The following ANO10 variants were observed in gnomAD, a reference collection of about 807,000 sequenced individuals.
The protein encoded by ANO10 is anoctamin 10, also known as anoctamin-10.
ANO10 carries 77 observed loss-of-function variants against 74.7 expected under a neutral mutation model. The ratio of observed to expected loss-of-function variants is 1.03; its 90% confidence interval spans 0.86 to 1.25. The LOEUF (loss-of-function observed/expected upper bound fraction) is 1.25. Ranked by LOEUF, ANO10 falls within the 50% of genes most tolerant of loss-of-function variation. The pLI is 0.00. For synonymous variants in ANO10, 279 were observed against 284.9 expected (o/e 0.98, Z 0.21); for missense variants, 721 against 778.1 (o/e 0.93, Z 0.87).
chr3:43,562,116 A>C (rs2080066585), intron 8 of ANO10, among the ~76,000 whole-genome samples: 1 of 152,106 alleles, frequency 6.6e-6, no homozygotes, highest in Non-Finnish European at 1.5e-5. Flanking sequence ...CATGCCTGTA[A>C]TCCCAGTACT....
chr3:43,475,208 G>A (rs1004644748), intron 11 of ANO10, among the ~76,000 whole-genome samples: 3 of 152,018 alleles, frequency 2.0e-5, no homozygotes, highest in Admixed American at 2.0e-4. Context: ...TTATAAGGAT[G>A]GGTCAACATT....
At chr3:43,582,321 G>A (rs938196710) in intron 4 of ANO10, among the ~76,000 whole-genome samples, 9 of 151,998 alleles carry the variant, frequency 5.9e-5, no homozygotes, top group Non-Finnish European at 1.0e-4. Flanking sequence ...GCGTGGTGGC[G>A]GGCGCCTGTA....
rs188684765 is a variant in ANO10 at position 43,678,150 on chromosome 3, T to G, written c.-12+13367A>C. 1.9e-3 allele frequency among the ~76,000 whole-genome samples: 297 copies of G among 152,354 alleles called. 1 individual carries two copies. Among genetic ancestry groups the G allele is most frequent in the Admixed American group, 3.6e-3 (55 of 15,306 alleles). On this transcript the variant is annotated intron_variant, in intron 1 of 3. Coordinates refer to the ANO10 transcript ENST00000413397. ...CCTGAGCACTCTTACATTAGCCTAC[T>G]GTTATGCAAAACCATCTAATACAAG...
chr3:43,525,972 A>T (rs1398654228), intron 11 of ANO10, among the ~76,000 whole-genome samples: 1 of 152,206 alleles, frequency 6.6e-6, no homozygotes, highest in Admixed American at 6.5e-5. Flanking sequence ...TTGTTTTGCA[A>T]CAGAGTCATT....
intron 12 of ANO10, among the ~76,000 whole-genome samples, chr3:43,403,178 C>T (rs1046891495): frequency 6.6e-6 from 1 of 152,238 alleles, no homozygotes; most frequent in African/African-American, 2.4e-5. Context: ...ACACAGGATA[C>T]AGCCACAGTT....
intron 4 of ANO10, among the ~76,000 whole-genome samples, chr3:43,588,608 G>A (rs964018606): frequency 6.7e-5 from 10 of 148,414 alleles, no homozygotes; most frequent in African/African-American, 7.4e-5. Flanking sequence ...AGCAAAATCC[G>A]ACTATATCCT....
At chr3:43,482,993 C>T (rs577941244) in intron 11 of ANO10, among the ~76,000 whole-genome samples, 34 of 152,186 alleles carry the variant, frequency 2.2e-4, no homozygotes, top group Non-Finnish European at 3.7e-4. Flanking sequence ...GGCCATGGAT[C>T]GTAAAGAAAG....
chr3:43,405,528 C>T (rs1409252294), intron 12 of ANO10, among the ~76,000 whole-genome samples: 1 of 152,212 alleles, frequency 6.6e-6, no homozygotes, highest in African/African-American at 2.4e-5. Flanking sequence ...CTCCATCACC[C>T]AGGCTGGAGT....
intron 11 of ANO10, among the ~76,000 whole-genome samples, chr3:43,495,844 T>G (rs547415016): frequency 3.9e-5 from 6 of 151,954 alleles, no homozygotes; most frequent in Middle Eastern, 3.4e-3. Flanking sequence ...GGACTACAGG[T>G]GCCTGCCACC....
At chr3:43,561,121 G>T in intron 9 of ANO10, 99 bp downstream of exon 9, 1 of 1,370,716 alleles carries the variant, frequency 7.3e-7, no homozygotes, top group Non-Finnish European at 1.0e-6. Flanking sequence ...TTCTAGAATA[G>T]TCACATCTGA....
At chr3:43,580,094 G>A (rs1426177258) in intron 5 of ANO10, among the ~76,000 whole-genome samples, 1 of 148,566 alleles carries the variant, frequency 6.7e-6, no homozygotes, top group Non-Finnish European at 1.5e-5. Context: ...GCAGTAAGCT[G>A]TGATCATCCC....
intron 11 of ANO10, among the ~76,000 whole-genome samples, chr3:43,538,140 A>C (rs938325718): frequency 3.9e-5 from 6 of 152,248 alleles, no homozygotes; most frequent in Non-Finnish European, 8.8e-5. Context: ...TTTGATATAA[A>C]ATTTCAGTAT....
At chr3:43,474,004 T>C (rs931029474) in intron 11 of ANO10, among the ~76,000 whole-genome samples, 3 of 152,286 alleles carry the variant, frequency 2.0e-5, no homozygotes, top group Middle Eastern at 3.4e-3. Flanking sequence ...AGCCAGCATG[T>C]GTATACAGTT....
chr3:43,484,442 A>G (rs369919230), intron 11 of ANO10, among the ~76,000 whole-genome samples: 1 of 152,198 alleles, frequency 6.6e-6, no homozygotes, highest in South Asian at 2.1e-4. Flanking sequence ...ATTAATGGAG[A>G]TATCTCTACA....
At chr3:43,598,056 T>A (rs995000725) in intron 4 of ANO10, among the ~76,000 whole-genome samples, 2 of 152,370 alleles carry the variant, frequency 1.3e-5, no homozygotes, top group Non-Finnish European at 1.5e-5. Context: ...CTTGGAATTA[T>A]GCATTGTAGT....
chr3:43,532,566 GT>G (rs935418868), intron 11 of ANO10, among the ~76,000 whole-genome samples: 1 of 151,886 alleles, frequency 6.6e-6, no homozygotes, highest in African/African-American at 2.4e-5. Context: ...AAATTAAATT[GT>G]TTTTTATATC....
chr3:43,639,546 C>T (rs922496941), intron 1 of ANO10, among the ~76,000 whole-genome samples: 1 of 152,076 alleles, frequency 6.6e-6, no homozygotes, highest in Non-Finnish European at 1.5e-5. Flanking sequence ...GGGCGGATCA[C>T]GAGGTCAGGA....
chr3:43,534,589 G>T (rs1006199774), intron 11 of ANO10, among the ~76,000 whole-genome samples: 2 of 152,148 alleles, frequency 1.3e-5, no homozygotes. Flanking sequence ...CCCTGACTCA[G>T]ACAACACTCC....
intron 11 of ANO10, among the ~76,000 whole-genome samples, chr3:43,494,042 C>G (rs536894153): frequency 6.6e-6 from 1 of 152,276 alleles, no homozygotes; most frequent in Non-Finnish European, 1.5e-5. Flanking sequence ...AGCCTGCAAA[C>G]AATTTATTAC....
Sources: allele counts gnomAD v4.1 joint callset (sites outside exome capture counted in the v4.1 genomes callset), GRCh38; gene constraint gnomAD v4.1.1; transcripts MANE v1.5; gene names NCBI Gene and HGNC (gene_info 2026-07-23, HGNC 2026-07-21).